RXFP2: variants seen among roughly 807,000 people sequenced by gnomAD.
RXFP2 encodes relaxin receptor 2.
A neutral mutation model predicts 88.6 loss-of-function variants in RXFP2; 68 were observed. The observed-to-expected ratio is 0.77, with a 90% CI of 0.63 to 0.94. RXFP2 has a LOEUF of 0.94. RXFP2 is among the 40% of genes least tolerant of loss of function. The pLI is 0.00. For synonymous variants in RXFP2, 329 were observed against 306.8 expected, an observed-to-expected ratio of 1.07 and a Z score of -0.76; for missense variants, 791 against 893.9, an observed-to-expected ratio of 0.88 and a Z score of 1.47.
chr13:31,802,068 T>A, intron 17 of RXFP2, 78 bp from the exon 18 acceptor site: 1 of 1,428,286 alleles, frequency 7.0e-7, no homozygotes, highest in Non-Finnish European at 9.8e-7. Context: ...ATAAATAGCA[T>A]TGACTGCAAA....
intron 9 of RXFP2, 37 bp from the exon 10 acceptor site, chr13:31,781,634 A>G: frequency 1.4e-6 from 2 of 1,465,622 alleles, no homozygotes; most frequent in African/African-American, 1.4e-5. Context: ...GATTTGTACA[A>G]AAAATATTAA....
At chr13:31,800,526 C>T (rs1475255724) in intron 17 of RXFP2, among the ~76,000 whole-genome samples, 8 of 152,142 alleles carry the variant, frequency 5.3e-5, no homozygotes, top group African/African-American at 1.7e-4. Flanking sequence ...GAGCCGAGAT[C>T]GTGCCACTGC....
chr13:31,766,372 A>G lies in RXFP2; in HGVS notation c.497+345A>G. ...TTTCACTTGAAAAAAAAAGAGTGAC[A>G]GCATAAACAAGAACAATCAGATCAT... On this transcript the variant is annotated intron_variant, in intron 5 of 17. Coordinates refer to ENST00000298386, the MANE Select transcript of RXFP2 (RefSeq NM_130806.5). 1.3e-5 allele frequency among the ~76,000 whole-genome samples: 2 copies of G among 152,214 alleles called. 1 individual carries two copies. The highest frequency in any genetic ancestry group is 3.8e-4 in the East Asian group (2 of 5,202).
intron 2 of RXFP2, among the ~76,000 whole-genome samples, chr13:31,759,406 A>AAAGAAAGAAAGAAAGAAAGAAAG (rs1593451554): frequency 8.0e-5 from 12 of 149,806 alleles, no homozygotes; most frequent in African/African-American, 1.5e-4. Context: ...AGAAAGAAAG[A>AAAGAAAGAAAGAAAGAAAGAAAG]AAGAAAGAAA....
chr13:31,756,590 C>G (rs904864509), intron 1 of RXFP2, among the ~76,000 whole-genome samples: 1 of 151,264 alleles, frequency 6.6e-6, no homozygotes, highest in African/African-American at 2.4e-5. Flanking sequence ...TGTGTCTACA[C>G]TCTCCTTAAA....
intron 1 of RXFP2, among the ~76,000 whole-genome samples, chr13:31,753,914 G>A (rs1470845810): frequency 6.6e-6 from 1 of 151,508 alleles, no homozygotes; most frequent in African/African-American, 2.4e-5. Flanking sequence ...AAGCCACAGA[G>A]AGAAAAGGGT....
intron 16 of RXFP2, among the ~76,000 whole-genome samples, chr13:31,795,594 C>T (rs984526371): frequency 6.6e-6 from 1 of 152,024 alleles, no homozygotes; most frequent in Non-Finnish European, 1.5e-5. Context: ...AAAATTTTAC[C>T]GTATGGCTTT....
intron 8 of RXFP2, among the ~76,000 whole-genome samples, chr13:31,778,182 G>T (rs1411389700): frequency 1.3e-5 from 2 of 152,116 alleles, no homozygotes; most frequent in African/African-American, 4.8e-5. Flanking sequence ...CACTGGAAAT[G>T]ATTACAACGT....
chr13:31,751,982 G>T (rs1325953037), intron 1 of RXFP2, among the ~76,000 whole-genome samples: 1 of 152,134 alleles, frequency 6.6e-6, no homozygotes, highest in African/African-American at 2.4e-5. Flanking sequence ...CCAGTCAGCA[G>T]AAATAATACT....
intron 17 of RXFP2, among the ~76,000 whole-genome samples, chr13:31,801,856 G>GAA (rs76651358): frequency 6.6e-6 from 1 of 151,902 alleles, no homozygotes; most frequent in Non-Finnish European, 1.5e-5. Flanking sequence ...GATAAAATAG[G>GAA]AAAAAATGCA....
intron 2 of RXFP2, among the ~76,000 whole-genome samples, chr13:31,759,102 A>T (rs1872124836): frequency 6.6e-6 from 1 of 151,634 alleles, no homozygotes; most frequent in Middle Eastern, 3.2e-3. Context: ...ATTAATTGAT[A>T]GAACAGACCT....
chr13:31,798,897 C>T (rs1874186378), intron 17 of RXFP2, among the ~76,000 whole-genome samples: 1 of 152,124 alleles, frequency 6.6e-6, no homozygotes, highest in South Asian at 2.1e-4. Flanking sequence ...TGGTGCAGTG[C>T]CATTTTCGAT....
Position 31,802,776 on chromosome 13 carries a change from A to G in RXFP2, c.*371A>G, listed in dbSNP as rs528848464. On this transcript the variant is annotated 3_prime_UTR_variant, in exon 18 of 18. Coordinates refer to ENST00000298386, the MANE Select transcript of RXFP2 (RefSeq NM_130806.5). ...TCCATGAAATAGAAACACTCACAAC[A>G]TCTGATTCCAGTGTGGCCATAATAA... 77 of 208,204 alleles carry G rather than the reference A, an allele frequency of 3.7e-4. 1 individual carries two copies. In the South Asian group the frequency reaches 6.6e-3, roughly 18 times the overall value. The allele number at this position is 208,204 out of a possible 1,614,324, so 12.9% of individuals were successfully genotyped here.
Position 31,757,673 on chromosome 13 carries a change from T to C in RXFP2, c.95-585T>C, listed in dbSNP as rs528818329. 3.9e-5 allele frequency among the ~76,000 whole-genome samples: 6 copies of C among 152,364 alleles called. No homozygotes were observed. The South Asian group carries it at 1.0e-3, about 26-fold the overall frequency. On this transcript the variant is annotated intron_variant, in intron 1 of 17. Transcript: ENST00000298386. ...CTGTTTCCAAGGGTGGATGACTCCTTGATTTCATACAAATCTAGGACAATA... is the reference window on the plus strand; with the variant it reads ...CTGTTTCCAAGGGTGGATGACTCCTCGATTTCATACAAATCTAGGACAATA...
At chr13:31,792,636 C>T in intron 15 of RXFP2, 42 bp from the exon 16 acceptor site, 1 of 1,582,586 alleles carries the variant, frequency 6.3e-7, no homozygotes, top group South Asian at 1.1e-5. Flanking sequence ...AAAACAGGGA[C>T]ATTGGAAACT....
rs1406052861 is a variant in RXFP2, at chr13:31,792,759, C to T, written c.1457C>T (p.Ala486Val). ...IKYRGQYQKY[A>V]LLWMESVQCR... Reference sequence around the variant, plus strand: ...TACCGAGGGCAGTATCAGAAGTATGCCTTGCTGTGGATGGAGAGCGTGCAG... The same window carrying T: ...TACCGAGGGCAGTATCAGAAGTATGTCTTGCTGTGGATGGAGAGCGTGCAG... The change falls in exon 16 of 18, where the codon GCC becomes GTC. Residue 486 changes from alanine (A) to valine (V), a missense_variant. By Grantham distance (64) the Ala-to-Val change is moderately conservative. Coordinates refer to ENST00000298386, the MANE Select transcript of RXFP2 (RefSeq NM_130806.5). 2 of 1,614,078 alleles carry T rather than the reference C, an allele frequency of 1.2e-6. No homozygotes were observed. Among genetic ancestry groups the T allele is most frequent in the South Asian group, 2.2e-5 (2 of 91,082 alleles).
At chr13:31,798,792 C>T (rs1874180300) in intron 17 of RXFP2, among the ~76,000 whole-genome samples, 1 of 152,160 alleles carries the variant, frequency 6.6e-6, no homozygotes, top group Admixed American at 6.5e-5. Context: ...GAAGCTGTCC[C>T]CCCAACCTGG....
At chr13:31,740,649 TAACA>T (rs1009277083) in intron 1 of RXFP2, among the ~76,000 whole-genome samples, 3 of 152,048 alleles carry the variant, frequency 2.0e-5, no homozygotes, top group African/African-American at 4.8e-5. Flanking sequence ...TTAAAACTTC[TAACA>T]AACAAAAGAT....
intron 7 of RXFP2, among the ~76,000 whole-genome samples, chr13:31,776,011 C>T (rs963650090): frequency 6.6e-6 from 1 of 152,206 alleles, no homozygotes. Flanking sequence ...TGGCCCTTAG[C>T]CCCATGCTTA....
Sources: gnomAD v4.1 joint callset for allele counts (sites outside exome capture counted in the v4.1 genomes callset) on GRCh38, gnomAD v4.1.1 for gene constraint, MANE v1.5 for transcripts, NCBI Gene and HGNC (gene_info 2026-07-23, HGNC 2026-07-21) for gene names.